The following CNTNAP2 variants were observed in gnomAD, a reference collection of about 807,000 sequenced individuals.
CNTNAP2 encodes the protein contactin-associated protein-like 2.
A neutral mutation model predicts 155.2 loss-of-function variants in CNTNAP2; 98 were observed. That is an observed-to-expected ratio of 0.63 (90% CI 0.54 to 0.75). The LOEUF is 0.75. CNTNAP2 is among the 30% of genes least tolerant of loss of function. The pLI is 0.00. For missense variants in CNTNAP2, 1,727 were observed against 1,688.1 expected (o/e 1.02, Z -0.40); for synonymous variants, 651 against 631.2 (o/e 1.03, Z -0.47).
chr7:146,921,039 G>A (rs1410393794), intron 3 of CNTNAP2, among the ~76,000 whole-genome samples: 2 of 152,136 alleles, frequency 1.3e-5, no homozygotes, highest in African/African-American at 4.8e-5. Context: ...AGCTCAAAGA[G>A]CTACATGTTG....
At chr7:148,071,133 A>G (rs983161210) in intron 15 of CNTNAP2, among the ~76,000 whole-genome samples, 4 of 152,188 alleles carry the variant, frequency 2.6e-5, no homozygotes, top group Non-Finnish European at 4.4e-5. Context: ...TTCCCCAAAC[A>G]TATCCCAGTT....
chr7:146,930,417 C>G (rs1462234621), intron 3 of CNTNAP2, among the ~76,000 whole-genome samples: 3 of 151,976 alleles, frequency 2.0e-5, no homozygotes, highest in Non-Finnish European at 4.4e-5. Flanking sequence ...CAGGCCTGCC[C>G]TAAAAGAGCT....
chr7:148,166,911 A>G (rs1230211418), intron 17 of CNTNAP2, among the ~76,000 whole-genome samples: 1 of 151,946 alleles, frequency 6.6e-6, no homozygotes, highest in Non-Finnish European at 1.5e-5. Context: ...ATTCTAGTGC[A>G]TTAATGTCTT....
intron 18 of CNTNAP2, among the ~76,000 whole-genome samples, chr7:148,187,303 G>A (rs1450102289): frequency 6.6e-6 from 1 of 152,160 alleles, no homozygotes; most frequent in African/African-American, 2.4e-5. Flanking sequence ...ATGAGGAGAG[G>A]AATAAAACAA....
chr7:147,620,538 T>A (rs1028274784), intron 12 of CNTNAP2, among the ~76,000 whole-genome samples: 3 of 150,304 alleles, frequency 2.0e-5, no homozygotes, highest in Non-Finnish European at 4.4e-5. Context: ...ATATATTTTT[T>A]AAATTAATTG....
intron 1 of CNTNAP2, among the ~76,000 whole-genome samples, chr7:146,126,283 A>G (rs1797635966): frequency 6.6e-6 from 1 of 152,248 alleles, no homozygotes. Context: ...GCCTATTGGC[A>G]TAATGTTTCT....
At chr7:148,080,619 A>AG (rs775051471) in intron 15 of CNTNAP2, among the ~76,000 whole-genome samples, 5,522 of 149,948 alleles carry the variant, frequency 0.037, 152 homozygotes, top group Non-Finnish European at 0.055. Context: ...AAAAAAAAAA[A>AG]AAAAGAAAAG....
intron 15 of CNTNAP2, among the ~76,000 whole-genome samples, chr7:148,058,338 C>T (rs942796716): frequency 1.3e-5 from 2 of 152,096 alleles, no homozygotes; most frequent in Non-Finnish European, 2.9e-5. Flanking sequence ...CTGTTTATGC[C>T]AGTGGGGAGA....
intron 5 of CNTNAP2, among the ~76,000 whole-genome samples, chr7:147,120,041 C>G (rs967133508): frequency 1.6e-4 from 25 of 152,012 alleles, no homozygotes; most frequent in African/African-American, 6.0e-4. Flanking sequence ...GATCTTATTT[C>G]AGAACTAAAA....
At chr7:146,421,315 A>C (rs1292591949) in intron 1 of CNTNAP2, among the ~76,000 whole-genome samples, 3 of 152,056 alleles carry the variant, frequency 2.0e-5, no homozygotes, top group Non-Finnish European at 2.9e-5. Context: ...TTAAATGCAT[A>C]CAGAAATAAT....
At chr7:147,441,213 C>T (rs1020387685) in intron 10 of CNTNAP2, among the ~76,000 whole-genome samples, 4 of 151,818 alleles carry the variant, frequency 2.6e-5, no homozygotes, top group African/African-American at 9.7e-5. Flanking sequence ...CTCATTCTTT[C>T]TTCTGCTTGA....
At chr7:147,852,338 G>A (rs1430104717) in intron 13 of CNTNAP2, among the ~76,000 whole-genome samples, 1 of 152,076 alleles carries the variant, frequency 6.6e-6, no homozygotes. Context: ...TGAATGAAAA[G>A]TTTTCTGTAT....
chr7:147,143,959 G>A (rs1478908201), intron 8 of CNTNAP2, among the ~76,000 whole-genome samples: 1 of 152,060 alleles, frequency 6.6e-6, no homozygotes, highest in African/African-American at 2.4e-5. Context: ...AAATGTGCAT[G>A]ATTAAAACTA....
chr7:147,713,417 T>C (rs1400353019), intron 13 of CNTNAP2, among the ~76,000 whole-genome samples: 1 of 152,178 alleles, frequency 6.6e-6, no homozygotes, highest in Non-Finnish European at 1.5e-5. Context: ...TAGGCCTGTG[T>C]GTCTAGATCC....
intron 14 of CNTNAP2, among the ~76,000 whole-genome samples, chr7:147,962,266 T>C (rs563143219): frequency 6.6e-6 from 1 of 152,330 alleles, no homozygotes; most frequent in South Asian, 2.1e-4. Context: ...AGATACAAGT[T>C]TAAGGAAATT....
intron 13 of CNTNAP2, among the ~76,000 whole-genome samples, chr7:147,772,445 G>GATATATATAT (rs1797486236): frequency 3.5e-5 from 1 of 28,888 alleles, no homozygotes; most frequent in African/African-American, 1.4e-4. Flanking sequence ...TCTCTCTCTC[G>GATATATATAT]CTATATATAT....
chr7:146,935,445 C>A (rs139715122), intron 3 of CNTNAP2, among the ~76,000 whole-genome samples: 13 of 152,280 alleles, frequency 8.5e-5, no homozygotes, highest in African/African-American at 2.9e-4. Flanking sequence ...AGAAACAGAA[C>A]TTTGGTTCAC....
chr7:147,649,630 T>A (rs879375364), intron 13 of CNTNAP2, among the ~76,000 whole-genome samples: 2 of 152,132 alleles, frequency 1.3e-5, no homozygotes, highest in Admixed American at 1.3e-4. Flanking sequence ...TATGAGTTTA[T>A]AGAGTTGCAT....
intron 1 of CNTNAP2, among the ~76,000 whole-genome samples, chr7:146,331,595 G>T (rs1801189491): frequency 6.6e-6 from 1 of 152,042 alleles, no homozygotes; most frequent in Non-Finnish European, 1.5e-5. Flanking sequence ...TGGGTTCTGG[G>T]CATCATACTT....
Sources: allele counts gnomAD v4.1 joint callset (sites outside exome capture counted in the v4.1 genomes callset), GRCh38; gene constraint gnomAD v4.1.1; transcripts MANE v1.5; gene names NCBI Gene and HGNC (gene_info 2026-07-23, HGNC 2026-07-21).